Variants in CEP164 observed in about 807,000 individuals in gnomAD.
CEP164 encodes centrosomal protein 164.
A neutral mutation model predicts 182.7 loss-of-function variants in CEP164; 162 were observed. The observed-to-expected ratio is 0.89, with a 90% CI of 0.78 to 1.01. CEP164 has a LOEUF of 1.01. Among genes scored for constraint, CEP164 ranks in the 50% least tolerant of loss-of-function variants. The pLI is 0.00. For missense variants in CEP164, 1,735 were observed against 1,790.4 expected (o/e 0.97, Z 0.56); for synonymous variants, 661 against 690.0 (o/e 0.96, Z 0.66).
chr11:117,409,855 C>T lies in CEP164; in HGVS notation c.3986C>T (p.Pro1329Leu), dbSNP rs2047130626. Residue 1329 changes from proline (P) to leucine (L), a missense_variant, in exon 30 of 33, where the codon CCC becomes CTC. Coordinates refer to ENST00000278935, the MANE Select transcript of CEP164 (RefSeq NM_014956.5). The surrounding 1 kb of genome is among the most constrained non-coding windows in gnomAD (Gnocchi z 4.4). ...ARFSALSSAT[P>L]TSTQWAWDSG... ...TTCTCAGCCTTATCATCTGCTACAC[C>T]CACGTCCACCCAATGGGCCTGGGAT... The T allele has an allele frequency of 6.2e-7, 1 of 1,613,560 alleles. No homozygotes were observed. The highest frequency in any genetic ancestry group is 8.5e-7 in the Non-Finnish European group (1 of 1,179,856).
intron 8 of CEP164, among the ~76,000 whole-genome samples, chr11:117,364,976 C>T (rs2041455865): frequency 6.6e-6 from 1 of 152,156 alleles, no homozygotes; most frequent in Non-Finnish European, 1.5e-5. Context: ...GAAACTGTTC[C>T]TTCTGAGTGG....
chr11:117,397,381 C>T (rs1234628018), intron 27 of CEP164, 68 bp downstream of exon 27: 2 of 1,434,118 alleles, frequency 1.4e-6, no homozygotes, highest in Admixed American at 4.1e-5. Context: ...CAAAACAGTC[C>T]TTTGGGCTCC....
At chr11:117,388,237 C>T (rs2044175376) in intron 15 of CEP164, among the ~76,000 whole-genome samples, 1 of 152,190 alleles carries the variant, frequency 6.6e-6, no homozygotes, top group Admixed American at 6.5e-5. Context: ...TGCTTTCCAT[C>T]TCTCTCCCGA....
chr11:117,394,109 C>G lies in CEP164; in HGVS notation c.2617-241C>G, dbSNP rs2045095201. 6.6e-6 allele frequency among the ~76,000 whole-genome samples: 1 copy of G among 152,234 alleles called. No individual in the cohort carries two copies. Among genetic ancestry groups the G allele is most frequent in the Non-Finnish European group, 1.5e-5 (1 of 68,040 alleles). ...TATATGGTGGAGCCATAGGGAGAGC[C>G]AGAAAGGGAATCTGTCGTGGTGTCT... is the stretch of plus-strand genomic sequence containing the variant. On this transcript the variant is annotated intron_variant, in intron 20 of 32. Coordinates refer to ENST00000278935, the MANE Select transcript of CEP164 (RefSeq NM_014956.5). This position sits in a 1 kb window ranked among gnomAD's most constrained non-coding sequence, Gnocchi z 4.0.
chr11:117,325,972 G>C (rs567019835), upstream of CEP164, among the ~76,000 whole-genome samples: 1 of 142,322 alleles, frequency 7.0e-6, no homozygotes, highest in Admixed American at 7.4e-5. Flanking sequence ...GTGCAATGTC[G>C]AGACCTTGGC....
At chr11:117,339,855 T>G (rs969176568) in intron 3 of CEP164, among the ~76,000 whole-genome samples, 5 of 152,054 alleles carry the variant, frequency 3.3e-5, no homozygotes, top group South Asian at 2.1e-4. Flanking sequence ...CAACCCTCAC[T>G]GCAACTCCAT....
rs2043461417 is a variant in CEP164, at chr11:117,382,636, G to A, written c.1578-160G>A. ...GTCTTTGATGCAAATAATTCAGGGA[G>A]AGGAAGGGCGGGGAGAGGGAGGTCT... On this transcript the variant is annotated intron_variant, in intron 13 of 32. Coordinates refer to ENST00000278935, the MANE Select transcript of CEP164 (RefSeq NM_014956.5). The A allele has an allele frequency of 1.9e-5, 14 of 745,862 alleles. No homozygotes were observed. The South Asian group carries it at 2.5e-4, about 13-fold the overall frequency. The allele number at this position is 745,862 out of a possible 1,614,324, so 46.2% of individuals were successfully genotyped here. A position where few individuals can be genotyped will look rare whatever the true frequency, so the allele number is the denominator to read the frequency against.
At position 117,381,879 on chromosome 11, in the gene CEP164, G is replaced by T; in HGVS notation, c.1577+11G>T. 1 of 1,478,478 alleles carries T rather than the reference G, an allele frequency of 6.8e-7. No individual in the cohort carries two copies. The highest frequency in any genetic ancestry group is 9.0e-7 in the Non-Finnish European group (1 of 1,112,706). 91.6% of individuals were successfully genotyped at this position (1,478,478 alleles called of 1,614,324 possible). A position where few individuals can be genotyped will look rare whatever the true frequency, so the allele number is the denominator to read the frequency against. ...GCTGTCCCTCCAGAGGTAAGGATGA[G>T]GGGAAGCATCCTCATGAGGATGAGG... is the stretch of plus-strand genomic sequence containing the variant. On this transcript the variant is annotated intron_variant, in intron 13 of 32. Transcript: ENST00000278935.
At chr11:117,390,726 G>T (rs1219683444) in intron 15 of CEP164, 51 bp from the exon 16 acceptor site, 1 of 1,610,260 alleles carries the variant, frequency 6.2e-7, no homozygotes, top group Non-Finnish European at 8.5e-7. Context: ...ATGAATAGAA[G>T]AAAGACCTTT....
At chr11:117,323,581 T>A (rs2035329101), upstream of CEP164, among the ~76,000 whole-genome samples, 1 of 152,228 alleles carries the variant, frequency 6.6e-6, no homozygotes, top group South Asian at 2.1e-4. Context: ...CTTTTTAACA[T>A]ACTAATTTCA....
chr11:117,351,728 C>CTTTTTTTTTTT, intron 4 of CEP164, 62 bp from the exon 5 acceptor site: 7 of 1,332,808 alleles, frequency 5.3e-6, no homozygotes, highest in South Asian at 1.4e-5. Flanking sequence ...TTTTTCCCCT[C>CTTTTTTTTTTT]TTTTTTTTTT....
upstream of CEP164, among the ~76,000 whole-genome samples, chr11:117,325,145 C>T (rs1464627459): frequency 1.3e-5 from 2 of 152,034 alleles, no homozygotes; most frequent in East Asian, 1.9e-4. Context: ...AGTGCGGTGG[C>T]GTGATCTTGG....
In CEP164 at chr11:117,392,227, C is replaced by T. The variant is rs1309755717; in HGVS notation, c.2285C>T (p.Ala762Val). 2 of 1,600,304 alleles carry T rather than the reference C, an allele frequency of 1.2e-6. No individual in the cohort carries two copies. The highest frequency in any genetic ancestry group is 1.7e-6 in the Non-Finnish European group (2 of 1,172,120). The stretch of plus-strand genomic sequence containing the variant: ...CACAGTCCCTTTGCTCCTCCCCAGG[C>T]TGTGGCAACGCTGGAGAAGGAGCAC... Reference protein sequence around the residue: ...REQLEGERKEAVATLEKEHSA... With the variant: ...REQLEGERKEVVATLEKEHSA... The change falls in exon 18 of 33, where the codon GCT becomes GTT. Residue 762 changes from alanine to valine, a missense_variant and splice_region_variant. Ala to Val is a moderately conservative substitution (Grantham distance 64). Coordinates refer to ENST00000278935, the MANE Select transcript of CEP164 (RefSeq NM_014956.5).
chr11:117,335,181 G>T lies in CEP164; in HGVS notation c.-97-424G>T, dbSNP rs529814364. Among the ~76,000 whole-genome samples the T allele has an allele frequency of 2.6e-5, 4 of 152,306 alleles. No homozygotes were observed. The East Asian group carries it at 7.7e-4, about 29-fold the overall frequency. On this transcript the variant is annotated intron_variant, in intron 1 of 32. Transcript: ENST00000278935. ...TTTAGTCAGCAGTGGTCAGGCCTGCGTCGCCTCTGACTGTGTGTGTAGCAC... is the reference window on the plus strand; with the variant it reads ...TTTAGTCAGCAGTGGTCAGGCCTGCTTCGCCTCTGACTGTGTGTGTAGCAC...
In CEP164 at chr11:117,397,102, A is replaced by G; in HGVS notation, c.3290A>G (p.His1097Arg). The change falls in exon 27 of 33, where the codon CAC (histidine) becomes CGC (arginine). Residue 1097 changes from histidine to arginine, a missense_variant. His to Arg is a conservative substitution (Grantham distance 29). Coordinates refer to ENST00000278935, the MANE Select transcript of CEP164 (RefSeq NM_014956.5). ...CTCTCCTGCTCCAGCCTGTCCTCCCACAATGTCTGGCACCTCCTCTCTGCT... is the reference window on the plus strand; with the variant it reads ...CTCTCCTGCTCCAGCCTGTCCTCCCGCAATGTCTGGCACCTCCTCTCTGCT... ...EDLYLDSLSS[H>R]NVWHLLSAEG... 1 of 1,613,930 alleles carries G rather than the reference A, an allele frequency of 6.2e-7. No individual in the cohort carries two copies. Among genetic ancestry groups the G allele is most frequent in the South Asian group, 1.1e-5 (1 of 91,046 alleles).
At chr11:117,358,540 C>CTTTTTTT (rs71961009) in intron 5 of CEP164, among the ~76,000 whole-genome samples, 5 of 129,154 alleles carry the variant, frequency 3.9e-5, no homozygotes, top group African/African-American at 1.5e-4. Flanking sequence ...CTCCCCCGGC[C>CTTTTTTT]TTTTTTTTTT....
At chr11:117,397,720 G>A (rs2045660184) in intron 27 of CEP164, among the ~76,000 whole-genome samples, 1 of 152,090 alleles carries the variant, frequency 6.6e-6, no homozygotes, top group South Asian at 2.1e-4. Context: ...TCAGGATCTC[G>A]GGAGACTTAT....
rs574737852 is a variant in CEP164 at position 117,412,647 on chromosome 11, C to G, written c.*479C>G. 6.3e-6 allele frequency: 1 copy of G among 157,738 alleles called. No homozygotes were observed. Among genetic ancestry groups the G allele is most frequent in the African/African-American group, 2.4e-5 (1 of 41,482 alleles). The allele number at this position is 157,738 out of a possible 1,614,324, so 9.8% of individuals were successfully genotyped here. A position where few individuals can be genotyped will look rare whatever the true frequency, so the allele number is the denominator to read the frequency against. On this transcript the variant is annotated 3_prime_UTR_variant, in exon 33 of 33. Transcript: ENST00000278935. ...GATTTCTCTGGGCCCACATCTATCT[C>G]CAATACCTCAGCCTCAGATCAGACC...
chr11:117,409,999 G>GCCT lies in CEP164; in HGVS notation c.4096+48_4096+50dup, dbSNP rs746486767. ...CACTCTGGGCGGAGCCTTCCCACCT[G>GCCT]CCTCCTCCTCCTCCTCTTCCTTCCT... On this transcript the variant is annotated intron_variant, in intron 30 of 32. Coordinates refer to ENST00000278935, the MANE Select transcript of CEP164 (RefSeq NM_014956.5). This position sits in a 1 kb window ranked among gnomAD's most constrained non-coding sequence, Gnocchi z 4.4. 6.2e-5 allele frequency: 97 copies of GCCT among 1,573,176 alleles called. No individual in the cohort carries two copies. Among genetic ancestry groups the GCCT allele is most frequent in the South Asian group, 4.2e-4 (38 of 90,140 alleles).
Sources: gnomAD v4.1 joint callset for allele counts (sites outside exome capture counted in the v4.1 genomes callset) on GRCh38, gnomAD v4.1.1 for gene constraint, Gnocchi (gnomAD v3.1) non-coding constraint, MANE v1.5 for transcripts, NCBI Gene and HGNC (gene_info 2026-07-23, HGNC 2026-07-21) for gene names.